NAA38: variants seen among roughly 807,000 people sequenced by gnomAD.
NAA38 encodes the protein LSM domain containing 1.
Under a neutral mutation model 12.6 loss-of-function variants are expected in NAA38, and 15 were observed. The observed-to-expected ratio is 1.19, with a 90% CI of 0.79 to 1.83. The LOEUF is 1.83. Among genes scored for constraint, NAA38 ranks in the 40% most tolerant of loss-of-function variants. NAA38 has a pLI of 0.00. For missense variants in NAA38, 183 were observed against 171.7 expected, an observed-to-expected ratio of 1.07 and a Z score of -0.37; for synonymous variants, 88 against 69.9, an observed-to-expected ratio of 1.26 and a Z score of -1.29.
chr17:7,879,151 C>T (rs1301158835), intron 2 of NAA38, among the ~76,000 whole-genome samples: 2 of 152,088 alleles, frequency 1.3e-5, no homozygotes, highest in Non-Finnish European at 2.9e-5. Context: ...TAAGACCTTC[C>T]ATCTCTAAAA....
chr17:7,874,547 T>C (rs77038609), intron 2 of NAA38, among the ~76,000 whole-genome samples: 9 of 151,950 alleles, frequency 5.9e-5, no homozygotes, highest in East Asian at 5.8e-4. Context: ...CTTAAAGAAA[T>C]AGGGGCTTCT....
chr17:7,877,168 AAAT>A (rs1967188855), intron 2 of NAA38: 1 of 253,454 alleles, frequency 3.9e-6, no homozygotes, highest in Admixed American at 5.6e-5. Flanking sequence ...TTGTTTACAT[AAAT>A]AATAAATACT....
chr17:7,857,353 C>G (rs750155552), intron 1 of NAA38, 30 bp downstream of exon 1: 4 of 1,613,176 alleles, frequency 2.5e-6, no homozygotes. Flanking sequence ...TTGACTGCCC[C>G]TCAGTCCCAG....
upstream of NAA38, chr17:7,859,799 A>G: frequency 1.7e-6 from 1 of 590,426 alleles, no homozygotes; most frequent in Non-Finnish European, 3.0e-6. Flanking sequence ...TTGCTCTGAG[A>G]AAATTAGTGA....
At chr17:7,875,623 C>T (rs1345458762) in intron 2 of NAA38, among the ~76,000 whole-genome samples, 1 of 152,194 alleles carries the variant, frequency 6.6e-6, no homozygotes, top group Non-Finnish European at 1.5e-5. Flanking sequence ...AGGTGTGAGT[C>T]ACTGTATTGG....
upstream of NAA38, chr17:7,858,040 G>T (rs2078846022): frequency 1.3e-6 from 2 of 1,554,476 alleles, no homozygotes; most frequent in East Asian, 2.3e-5. Flanking sequence ...CTCTCCCCTC[G>T]GCTCCCGGAC....
rs1199030865 is a variant in NAA38 at position 7,885,054 on chromosome 17, TGCCCCCGCCGCCGCC to T, written c.-167+96_-167+110del. 97 of 976,294 alleles carry T rather than the reference TGCCCCCGCCGCCGCC, an allele frequency of 9.9e-5. No homozygotes were observed. The South Asian group carries it at 2.5e-3, about 25-fold the overall frequency. 60.5% of individuals were successfully genotyped at this position (976,294 alleles called of 1,614,324 possible). On this transcript the variant is annotated intron_variant, in intron 1 of 4. Transcript: ENST00000576861. ...CCGCCGCCGCCGCCGCCGCCACCGCTGCCCCCGCCGCCGCCGCCCCCGCCGCCAGGTAAGCGCCCG... is the reference window on the plus strand; with the variant it reads ...CCGCCGCCGCCGCCGCCGCCACCGCTGCCCCCGCCGCCAGGTAAGCGCCCG...
At chr17:7,862,140 G>A (rs1005627589), upstream of NAA38, 3 of 152,130 alleles carry the variant, frequency 2.0e-5, no homozygotes, top group African/African-American at 4.8e-5. Flanking sequence ...TATTACAATT[G>A]TAAAATTATG....
upstream of NAA38, chr17:7,857,802 T>C: frequency 7.6e-7 from 1 of 1,315,902 alleles, no homozygotes; most frequent in Non-Finnish European, 9.7e-7. Context: ...CTGTCCTAAA[T>C]ATCCCATGTA....
chr17:7,868,355 G>C (rs761052590), intron 2 of NAA38, among the ~76,000 whole-genome samples: 1 of 152,222 alleles, frequency 6.6e-6, no homozygotes, highest in Non-Finnish European at 1.5e-5. Flanking sequence ...TCAGCAAACA[G>C]CAGGTCATGG....
Position 7,856,848 on chromosome 17 carries a change from AAAG to A in NAA38, c.266-8_266-6del, listed in dbSNP as rs2078820227. On this transcript the variant is annotated splice_region_variant and splice_polypyrimidine_tract_variant and intron_variant, in intron 2 of 2. Transcript: ENST00000575771. Reference sequence around the variant, plus strand: ...GCTCCCCGGCAGAGAAGGAATCTGGAAAGAAGGATCAGAGCATCAGGAAAGTAG... The same window carrying A: ...GCTCCCCGGCAGAGAAGGAATCTGGAAAGGATCAGAGCATCAGGAAAGTAG... 4 of 1,613,502 alleles carry A rather than the reference AAAG, an allele frequency of 2.5e-6. No homozygotes were observed. Among genetic ancestry groups the A allele is most frequent in the Non-Finnish European group, 3.4e-6 (4 of 1,179,890 alleles).
intron 3 of NAA38, chr17:7,863,455 A>G (rs896967909): frequency 6.6e-6 from 1 of 152,170 alleles, no homozygotes; most frequent in Non-Finnish European, 1.5e-5. Context: ...ACATGCCCAC[A>G]TTACTGGGGG....
In NAA38 at chr17:7,880,470, A is replaced by T. The variant is rs559963302; in HGVS notation, c.-66+2765T>A. ...TAGAGGTTGTGTCTTTGTCTCCTTC[A>T]AAGAGTTATAAAATGTCTCTAAGGT... On this transcript the variant is annotated intron_variant, in intron 2 of 4. Transcript: ENST00000576861. Among the ~76,000 whole-genome samples the T allele has an allele frequency of 7.9e-5, 12 of 152,334 alleles. No homozygotes were observed. In the South Asian group the frequency reaches 2.5e-3, roughly 32 times the overall value.
chr17:7,859,725 T>C (rs1342245566), upstream of NAA38: 1 of 879,706 alleles, frequency 1.1e-6, no homozygotes, highest in African/African-American at 1.6e-5. Context: ...TCTCCACTCC[T>C]CTCCAGGAGC....
intron 2 of NAA38, among the ~76,000 whole-genome samples, chr17:7,874,205 T>C (rs762429974): frequency 1.3e-5 from 2 of 152,124 alleles, no homozygotes; most frequent in Non-Finnish European, 1.5e-5. Context: ...CATTGTCTCA[T>C]GGTGGGTCCA....
intron 2 of NAA38, among the ~76,000 whole-genome samples, chr17:7,867,259 G>GTT (rs368249745): frequency 1.3e-3 from 190 of 151,070 alleles, no homozygotes; most frequent in African/African-American, 4.3e-3. Context: ...ACCAGGTTAA[G>GTT]TTTTATTTTT....
chr17:7,857,961 G>A (rs890286828), upstream of NAA38: 14 of 1,463,382 alleles, frequency 9.6e-6, no homozygotes, highest in African/African-American at 1.4e-5. Flanking sequence ...TCCAAACCCC[G>A]CCCCTGATAT....
chr17:7,858,295 G>A (rs2151385299), upstream of NAA38: 1 of 1,613,930 alleles, frequency 6.2e-7, no homozygotes, highest in Non-Finnish European at 8.5e-7. Flanking sequence ...GAATACAAGG[G>A]TAAGGGCCAC....
chr17:7,872,656 C>T (rs552582646), intron 2 of NAA38, among the ~76,000 whole-genome samples: 227 of 152,292 alleles, frequency 1.5e-3, no homozygotes, highest in African/African-American at 5.0e-3. Context: ...CCGCTGTGCC[C>T]GGGCAATTTT....
Sources: allele counts gnomAD v4.1 joint callset (sites outside exome capture counted in the v4.1 genomes callset), GRCh38; gene constraint gnomAD v4.1.1; transcripts MANE v1.5; gene names NCBI Gene and HGNC (gene_info 2026-07-23, HGNC 2026-07-21).